The following SCEL variants were observed in gnomAD, a reference collection of about 807,000 sequenced individuals.
The protein encoded by SCEL is sciellin.
A neutral mutation model predicts 117.6 loss-of-function variants in SCEL; 113 were observed. The ratio of observed to expected loss-of-function variants is 0.96; its 90% CI spans 0.83 to 1.12. SCEL has a LOEUF of 1.12. Among genes scored for constraint, SCEL ranks in the 50% most tolerant of loss-of-function variants. The pLI is 0.00. For missense variants in SCEL, 785 were observed against 810.8 expected (o/e 0.97, Z 0.39); for synonymous variants, 270 against 256.2 (o/e 1.05, Z -0.51).
chr13:77,537,116 T>A (rs376712673), intron 1 of SCEL, among the ~76,000 whole-genome samples: 76 of 152,342 alleles, frequency 5.0e-4, no homozygotes, highest in African/African-American at 1.7e-3. Flanking sequence ...AAAATTTTAG[T>A]AAAACATTCA....
intron 24 of SCEL, among the ~76,000 whole-genome samples, chr13:77,617,081 A>G (rs2089108811): frequency 6.6e-6 from 1 of 152,182 alleles, no homozygotes; most frequent in Non-Finnish European, 1.5e-5. Flanking sequence ...CAGTTTTCAG[A>G]GTATGTAACT....
chr13:77,599,434 C>A, intron 14 of SCEL, 46 bp downstream of exon 14: 1 of 1,493,264 alleles, frequency 6.7e-7, no homozygotes, highest in East Asian at 2.3e-5. Context: ...TTGCAGATTG[C>A]TCGTCTTATT....
At chr13:77,579,765 C>G (rs1183858811) in intron 9 of SCEL, among the ~76,000 whole-genome samples, 2 of 152,094 alleles carry the variant, frequency 1.3e-5, no homozygotes, top group Non-Finnish European at 2.9e-5. Flanking sequence ...TCAAAGGAGG[C>G]AATGCCAGAG....
Position 77,603,057 on chromosome 13 carries a change from T to A in SCEL, c.1038-19T>A. 2 of 1,452,270 alleles carry A rather than the reference T, an allele frequency of 1.4e-6. No homozygotes were observed. The highest frequency in any genetic ancestry group is 1.9e-6 in the Non-Finnish European group (2 of 1,067,718). The allele number at this position is 1,452,270 out of a possible 1,614,324, so 90.0% of individuals were successfully genotyped here. ...TTATGGGAATGTTTTGAAACTGATA[T>A]AAACTTTTTTTTTTAAAGAAGTGAA... is the stretch of plus-strand genomic sequence containing the variant. On this transcript the variant is annotated intron_variant, in intron 17 of 32. Coordinates refer to ENST00000349847, the MANE Select transcript of SCEL (RefSeq NM_144777.3).
chr13:77,618,099 C>A (rs2089192847), intron 27 of SCEL, 39 bp downstream of exon 27: 1 of 1,543,620 alleles, frequency 6.5e-7, no homozygotes, highest in Admixed American at 1.7e-5. Flanking sequence ...TTACAAGTTT[C>A]TAGGGTAGGA....
intron 13 of SCEL, among the ~76,000 whole-genome samples, chr13:77,597,958 A>T (rs1438462915): frequency 6.6e-6 from 1 of 151,982 alleles, no homozygotes; most frequent in East Asian, 1.9e-4. Flanking sequence ...AGTTAATGTT[A>T]TATTGTTTAT....
At chr13:77,540,762 C>T (rs1311615910) in intron 1 of SCEL, among the ~76,000 whole-genome samples, 1 of 152,140 alleles carries the variant, frequency 6.6e-6, no homozygotes, top group African/African-American at 2.4e-5. Flanking sequence ...CCTTGTCAGC[C>T]TTGTTATCAG....
chr13:77,630,908 T>C (rs1046355053), intron 28 of SCEL, among the ~76,000 whole-genome samples: 10 of 152,234 alleles, frequency 6.6e-5, no homozygotes, highest in Admixed American at 2.0e-4. Flanking sequence ...TGAGTTCTCC[T>C]TTACAAGGAT....
chr13:77,606,706 C>A (rs1451831215), intron 19 of SCEL, among the ~76,000 whole-genome samples: 6 of 152,180 alleles, frequency 3.9e-5, no homozygotes, highest in Non-Finnish European at 8.8e-5. Context: ...TCTCAGACAT[C>A]TGGATACAAA....
At chr13:77,637,623 C>T (rs1313569053) in intron 30 of SCEL, among the ~76,000 whole-genome samples, 2 of 152,016 alleles carry the variant, frequency 1.3e-5, no homozygotes, top group Non-Finnish European at 2.9e-5. Flanking sequence ...CAGCTGCCTC[C>T]CAGGCCAGCC....
Position 77,599,437 on chromosome 13 carries a change from G to T in SCEL, c.857+49G>T, listed in dbSNP as rs147974583. On this transcript the variant is annotated intron_variant, in intron 14 of 32. Transcript: ENST00000349847. ...GAAAATCTTACCTTGCAGATTGCTC[G>T]TCTTATTCCCTCAGACATTAGCTGC... 3.0e-4 allele frequency: 443 copies of T among 1,479,798 alleles called. 1 individual carries two copies. The African/African-American group carries it at 4.6e-3, about 15-fold the overall frequency. The allele number at this position is 1,479,798 out of a possible 1,614,324, so 91.7% of individuals were successfully genotyped here. A position where few individuals can be genotyped will look rare whatever the true frequency, so the allele number is the denominator to read the frequency against.
At chr13:77,634,899 T>G (rs1281279107) in intron 29 of SCEL, among the ~76,000 whole-genome samples, 4 of 152,206 alleles carry the variant, frequency 2.6e-5, no homozygotes, top group Admixed American at 2.0e-4. Flanking sequence ...TATTGATGTT[T>G]CAATTGAAAT....
chr13:77,574,236 C>T (rs566661769), intron 9 of SCEL, among the ~76,000 whole-genome samples: 77 of 152,262 alleles, frequency 5.1e-4, no homozygotes, highest in African/African-American at 1.8e-3. Context: ...GGTTGTGGAT[C>T]GGTTTGCACA....
chr13:77,577,391 C>G (rs1376180216), intron 9 of SCEL, among the ~76,000 whole-genome samples: 2 of 152,068 alleles, frequency 1.3e-5, no homozygotes, highest in Admixed American at 1.3e-4. Flanking sequence ...GGAGTGAAGG[C>G]AAGCGGGGGA....
At chr13:77,642,886 T>G (rs1048951997) in intron 32 of SCEL, 78 bp downstream of exon 32, 9 of 726,710 alleles carry the variant, frequency 1.2e-5, no homozygotes, top group Non-Finnish European at 2.0e-5. Context: ...TGATGTATTT[T>G]AATAAAGTAA....
At chr13:77,625,433 G>C (rs911157032) in intron 27 of SCEL, among the ~76,000 whole-genome samples, 12 of 152,294 alleles carry the variant, frequency 7.9e-5, no homozygotes, top group African/African-American at 2.4e-4. Flanking sequence ...CTCAGTTCTT[G>C]CAGTTATGTA....
At chr13:77,615,521 A>T (rs1013425996) in intron 24 of SCEL, among the ~76,000 whole-genome samples, 1 of 152,136 alleles carries the variant, frequency 6.6e-6, no homozygotes, top group Non-Finnish European at 1.5e-5. Context: ...TGATTGCAAA[A>T]CACTTTACAG....
chr13:77,640,475 T>A (rs1353741157), intron 30 of SCEL, among the ~76,000 whole-genome samples: 2 of 152,174 alleles, frequency 1.3e-5, no homozygotes, highest in African/African-American at 4.8e-5. Flanking sequence ...TCATGTTAAT[T>A]ATTTGATATC....
chr13:77,603,213 TC>T (rs1444565745), intron 18 of SCEL, 78 bp downstream of exon 18: 22 of 833,198 alleles, frequency 2.6e-5, no homozygotes, highest in Non-Finnish European at 4.1e-5. Context: ...CTTTTTAGCT[TC>T]ATAATCGTGT....
Sources: gnomAD v4.1 joint callset for allele counts (sites outside exome capture counted in the v4.1 genomes callset) on GRCh38, gnomAD v4.1.1 for gene constraint, MANE v1.5 for transcripts, NCBI Gene and HGNC (gene_info 2026-07-23, HGNC 2026-07-21) for gene names.